ZNF804B: variants seen among roughly 807,000 people sequenced by gnomAD.
ZNF804B encodes zinc finger protein 804B, also known as zinc finger 804B.
ZNF804B carries 80 observed loss-of-function variants against 101.4 expected under a neutral mutation model. That is an observed-to-expected ratio of 0.79 (90% CI 0.66 to 0.95). The LOEUF is 0.95. Ranked by LOEUF, ZNF804B falls within the 40% of genes least tolerant of loss-of-function variation. The probability of loss-of-function intolerance (pLI) is 0.00; values close to 1 mark genes in which losing one functional copy is unlikely to be tolerated. For synonymous variants in ZNF804B, 622 were observed against 558.8 expected (o/e 1.11, Z -1.59); for missense variants, 1,673 against 1,561.9 (o/e 1.07, Z -1.20).
At chr7:89,109,666 C>T (rs547037849) in intron 1 of ZNF804B, among the ~76,000 whole-genome samples, 29 of 152,168 alleles carry the variant, frequency 1.9e-4, no homozygotes, top group African/African-American at 6.5e-4. Flanking sequence ...TCTTTCATTC[C>T]CTCTTTACTC....
At chr7:89,319,337 ACT>A (rs1365689340) in intron 2 of ZNF804B, among the ~76,000 whole-genome samples, 3 of 152,182 alleles carry the variant, frequency 2.0e-5, no homozygotes, top group Admixed American at 6.5e-5. Context: ...TACCATAAAT[ACT>A]GTTATATTCA....
intron 2 of ZNF804B, among the ~76,000 whole-genome samples, chr7:89,310,291 A>C (rs1246399353): frequency 6.6e-6 from 1 of 152,128 alleles, no homozygotes; most frequent in East Asian, 1.9e-4. Flanking sequence ...GATTGAATAT[A>C]GATTCTTGGT....
rs138407908 is a variant in ZNF804B at position 88,966,674 on chromosome 7, T to C, written c.108+206590T>C. 2.9e-4 allele frequency among the ~76,000 whole-genome samples: 44 copies of C among 151,468 alleles called. No homozygotes were observed. The East Asian group carries it at 5.3e-3, about 18-fold the overall frequency. On this transcript the variant is annotated intron_variant, in intron 1 of 3. Coordinates refer to ENST00000333190, the MANE Select transcript of ZNF804B (RefSeq NM_181646.5). ...AACTCATACTAAGGTGCTAGTCTTT[T>C]CCTGTCTGTATGTGAAGTTGAGGGT...
chr7:89,336,063 T>C lies in ZNF804B; in HGVS notation c.3081T>C (p.Ser1027=), dbSNP rs1179176514. The change falls in exon 4 of 4, where the codon TCT becomes TCC. Residue 1027 remains serine, a synonymous_variant. Transcript: ENST00000333190. ...LADTDCDNHL[S]KGIIHLVTES... ...ACACTGATTGTGATAACCATCTTTC[T>C]AAAGGTATAATTCACCTAGTAACAG... 29 of 1,614,004 alleles carry C rather than the reference T, an allele frequency of 1.8e-5. No homozygotes were observed. The highest frequency in any genetic ancestry group is 2.4e-5 in the Non-Finnish European group (28 of 1,179,994).
chr7:89,053,335 C>T (rs1005114805), intron 1 of ZNF804B, among the ~76,000 whole-genome samples: 2 of 152,052 alleles, frequency 1.3e-5, no homozygotes, highest in Non-Finnish European at 2.9e-5. Context: ...TGTTTCTTGT[C>T]ACTCTCTCTT....
intron 1 of ZNF804B, among the ~76,000 whole-genome samples, chr7:89,146,972 T>C (rs938699996): frequency 6.6e-6 from 1 of 151,496 alleles, no homozygotes; most frequent in African/African-American, 2.4e-5. Context: ...GCGGGTTGCA[T>C]GAGCCAAGAT....
intron 1 of ZNF804B, among the ~76,000 whole-genome samples, chr7:88,803,837 A>T (rs962151890): frequency 1.3e-5 from 2 of 152,112 alleles, no homozygotes; most frequent in Admixed American, 6.6e-5. Context: ...AACCATGGGA[A>T]ACAATGAAGT....
At chr7:89,285,546 A>AAAAAAGAAGAAGAAG (rs1554389597) in intron 2 of ZNF804B, among the ~76,000 whole-genome samples, 1 of 93,424 alleles carries the variant, frequency 1.1e-5, no homozygotes, top group Admixed American at 1.2e-4. Context: ...AAAAAAAAAA[A>AAAAAAGAAGAAGAAG]AAGAAGAAGA....
At chr7:88,945,906 A>G (rs982150041) in intron 1 of ZNF804B, among the ~76,000 whole-genome samples, 13 of 152,092 alleles carry the variant, frequency 8.5e-5, no homozygotes, top group African/African-American at 2.9e-4. Context: ...TTATTGGTGT[A>G]TAGGAATGCT....
At chr7:89,312,780 G>A (rs1038540331) in intron 2 of ZNF804B, among the ~76,000 whole-genome samples, 5 of 151,134 alleles carry the variant, frequency 3.3e-5, no homozygotes, top group Non-Finnish European at 5.9e-5. Flanking sequence ...GATTGCCTGA[G>A]GCCAGCCTGG....
chr7:88,811,165 C>G (rs527712597), intron 1 of ZNF804B, among the ~76,000 whole-genome samples: 1 of 152,170 alleles, frequency 6.6e-6, no homozygotes, highest in African/African-American at 2.4e-5. Flanking sequence ...CCAAACCTAG[C>G]AAAGATCCTG....
intron 1 of ZNF804B, among the ~76,000 whole-genome samples, chr7:88,945,234 A>G (rs1793110537): frequency 1.3e-5 from 2 of 151,986 alleles, no homozygotes; most frequent in Admixed American, 1.3e-4. Flanking sequence ...ATTACGTTTA[A>G]GTCTTTAATC....
chr7:89,310,434 A>C (rs138794424), intron 2 of ZNF804B, among the ~76,000 whole-genome samples: 1 of 152,120 alleles, frequency 6.6e-6, no homozygotes, highest in Admixed American at 6.6e-5. Context: ...TCTAAAATTC[A>C]ATTTTACACC....
chr7:88,777,536 C>T (rs964413519), intron 1 of ZNF804B, among the ~76,000 whole-genome samples: 3 of 152,048 alleles, frequency 2.0e-5, no homozygotes, highest in Admixed American at 1.3e-4. Context: ...GTATTTAGAC[C>T]ATTTAATATA....
At chr7:88,780,087 A>T (rs1327783156) in intron 1 of ZNF804B, among the ~76,000 whole-genome samples, 1 of 152,186 alleles carries the variant, frequency 6.6e-6, no homozygotes, top group Admixed American at 6.5e-5. Context: ...AACATCACTG[A>T]TCATCAGAGA....
At chr7:88,986,750 G>C (rs566790224) in intron 1 of ZNF804B, among the ~76,000 whole-genome samples, 3 of 152,206 alleles carry the variant, frequency 2.0e-5, no homozygotes, top group South Asian at 4.1e-4. Flanking sequence ...CCTATTTCTA[G>C]ATCTTTGTGT....
intron 1 of ZNF804B, among the ~76,000 whole-genome samples, chr7:89,120,652 C>T (rs1000968268): frequency 5.0e-4 from 19 of 37,644 alleles, no homozygotes; most frequent in Non-Finnish European, 7.1e-4. Flanking sequence ...AGCGAGACTC[C>T]GCCTCAAAAA....
intron 2 of ZNF804B, among the ~76,000 whole-genome samples, chr7:89,314,176 G>A (rs1224714102): frequency 2.0e-5 from 3 of 152,100 alleles, no homozygotes; most frequent in South Asian, 4.1e-4. Flanking sequence ...ACTCTAAAGT[G>A]ACATGAAATC....
intron 1 of ZNF804B, among the ~76,000 whole-genome samples, chr7:89,023,444 T>C (rs1226325086): frequency 5.3e-5 from 8 of 152,240 alleles, no homozygotes; most frequent in African/African-American, 1.2e-4. Flanking sequence ...TACTTTGCTC[T>C]GTTGGTGGTA....
Sources: gnomAD v4.1 joint callset for allele counts (sites outside exome capture counted in the v4.1 genomes callset) on GRCh38, gnomAD v4.1.1 for gene constraint, MANE v1.5 for transcripts, NCBI Gene and HGNC (gene_info 2026-07-23, HGNC 2026-07-21) for gene names.